SEMA5A: variants seen among roughly 807,000 people sequenced by gnomAD.
SEMA5A encodes semaphorin-5A.
SEMA5A carries 55 observed loss-of-function variants against 135.5 expected under a neutral mutation model. The ratio of observed to expected loss-of-function variants is 0.41; its 90% CI spans 0.33 to 0.51. SEMA5A has a LOEUF of 0.51. Among genes scored for constraint, SEMA5A ranks in the 20% least tolerant of loss-of-function variants. The pLI, the probability that SEMA5A is intolerant of heterozygous loss-of-function variation, is 0.37. For synonymous variants in SEMA5A, 580 were observed against 546.5 expected (o/e 1.06, Z -0.85); for missense variants, 1,290 against 1,419.9 (o/e 0.91, Z 1.47).
At chr5:9,075,787 A>AAATTTTATCATTTT (rs1240534163) in intron 16 of SEMA5A, among the ~76,000 whole-genome samples, 9 of 152,196 alleles carry the variant, frequency 5.9e-5, no homozygotes, top group African/African-American at 1.7e-4. Flanking sequence ...AAACTGACCA[A>AAATTTTATCATTTT]AATTTTATCA....
chr5:9,491,969 C>T (rs1177185513), intron 1 of SEMA5A, among the ~76,000 whole-genome samples: 1 of 152,300 alleles, frequency 6.6e-6, no homozygotes, highest in African/African-American at 2.4e-5. Context: ...AATCTATGAC[C>T]AATCTTCCTG....
intron 6 of SEMA5A, among the ~76,000 whole-genome samples, chr5:9,235,674 G>A (rs1162488783): frequency 6.7e-6 from 1 of 150,352 alleles, no homozygotes; most frequent in East Asian, 2.1e-4. Flanking sequence ...TGTGACAAGT[G>A]TGCATCAACA....
chr5:9,221,519 G>T (rs56190011), intron 8 of SEMA5A, among the ~76,000 whole-genome samples: 10 of 151,830 alleles, frequency 6.6e-5, no homozygotes, highest in African/African-American at 1.2e-4. Context: ...AGCCAGGATG[G>T]TCTCGATCTC....
At chr5:9,063,949 T>G (rs1221604025) in intron 17 of SEMA5A, among the ~76,000 whole-genome samples, 1 of 152,196 alleles carries the variant, frequency 6.6e-6, no homozygotes, top group Non-Finnish European at 1.5e-5. Flanking sequence ...CTAAAAAGTA[T>G]TCAATAATTT....
rs10074472 is a variant in SEMA5A at position 9,396,285 on chromosome 5, T to G, written c.-77-16262A>C. ...ACACACACACACACACACAAATACA[T>G]CCTAAGAGCTTAACATTATTTATCT... On this transcript the variant is annotated intron_variant, in intron 2 of 22. Coordinates refer to ENST00000382496, the MANE Select transcript of SEMA5A (RefSeq NM_003966.3). Among the ~76,000 whole-genome samples the G allele has an allele frequency of 3.5e-3, 427 of 122,694 alleles. 3 individuals are homozygous for G. The highest frequency in any genetic ancestry group is 0.013 in the African/African-American group (402 of 31,522). The allele number at this position is 122,694 out of a possible 152,430, so 80.5% of individuals were successfully genotyped here. A position where few individuals can be genotyped will look rare whatever the true frequency, so the allele number is the denominator to read the frequency against.
At chr5:9,210,345 C>T (rs115157427) in intron 8 of SEMA5A, among the ~76,000 whole-genome samples, 2,418 of 152,178 alleles carry the variant, frequency 0.016, 55 homozygotes, top group African/African-American at 0.052. Flanking sequence ...TTCAGAGCAC[C>T]GTAAGAACTG....
In SEMA5A at chr5:9,084,062, C is replaced by T. The variant is rs115815058; in HGVS notation, c.2074-17416G>A. Among the ~76,000 whole-genome samples, 1,327 of 152,138 alleles carry T rather than the reference C, an allele frequency of 8.7e-3. 22 individuals are homozygous for T. Among genetic ancestry groups the T allele is most frequent in the African/African-American group, 0.03 (1,260 of 41,500 alleles). ...AGGAAAACCTTAGAGAAATCTTAGC[C>T]CCTTTAATAAAAGTTGAAAATCTTG... On this transcript the variant is annotated intron_variant, in intron 16 of 22. Coordinates refer to ENST00000382496, the MANE Select transcript of SEMA5A (RefSeq NM_003966.3).
intron 13 of SEMA5A, among the ~76,000 whole-genome samples, chr5:9,131,500 C>T (rs1741414119): frequency 6.6e-6 from 1 of 151,116 alleles, no homozygotes; most frequent in Non-Finnish European, 1.5e-5. Flanking sequence ...CCCAGATACT[C>T]AGGAGGCTGA....
chr5:9,109,643 A>G (rs1323945362), intron 15 of SEMA5A, among the ~76,000 whole-genome samples: 1 of 152,172 alleles, frequency 6.6e-6, no homozygotes, highest in African/African-American at 2.4e-5. Flanking sequence ...CTGCTGGTGT[A>G]AGTCAGTCAC....
At chr5:9,508,945 A>G (rs1188728276) in intron 1 of SEMA5A, among the ~76,000 whole-genome samples, 3 of 152,198 alleles carry the variant, frequency 2.0e-5, no homozygotes, top group Non-Finnish European at 4.4e-5. Flanking sequence ...AGGCAACCCC[A>G]AGGATGCTTA....
Position 9,505,084 on chromosome 5 carries a change from T to A in SEMA5A, c.-175+40500A>T, listed in dbSNP as rs116346571. Among the ~76,000 whole-genome samples, 709 of 152,192 alleles carry A rather than the reference T, an allele frequency of 4.7e-3. 5 individuals carry two copies. The highest frequency in any genetic ancestry group is 0.016 in the African/African-American group (678 of 41,522). On this transcript the variant is annotated intron_variant, in intron 1 of 22. Transcript: ENST00000382496. ...GTTCAGAACACTGAAGAATTGAAAT[T>A]CTAATTTAGTTTTACTATTTATCCT...
At chr5:9,120,163 T>A (rs976744706) in intron 14 of SEMA5A, among the ~76,000 whole-genome samples, 33 of 152,176 alleles carry the variant, frequency 2.2e-4, no homozygotes, top group African/African-American at 7.7e-4. Context: ...CATGCAGAAT[T>A]TTTTTACTTC....
intron 16 of SEMA5A, among the ~76,000 whole-genome samples, chr5:9,073,061 G>A (rs1461031454): frequency 6.6e-6 from 1 of 152,104 alleles, no homozygotes; most frequent in Non-Finnish European, 1.5e-5. Flanking sequence ...GCAGATAATT[G>A]CAAACGAGAC....
chr5:9,209,221 T>C (rs1026327718), intron 8 of SEMA5A, among the ~76,000 whole-genome samples: 2 of 152,240 alleles, frequency 1.3e-5, no homozygotes, highest in African/African-American at 2.4e-5. Context: ...CTAAATGTTC[T>C]AGTTCAAAGT....
chr5:9,512,366 T>G (rs1035798983), intron 1 of SEMA5A, among the ~76,000 whole-genome samples: 3 of 152,230 alleles, frequency 2.0e-5, no homozygotes, highest in Non-Finnish European at 4.4e-5. Flanking sequence ...CTAAGCCCTC[T>G]GAATGGGAAG....
intron 1 of SEMA5A, among the ~76,000 whole-genome samples, chr5:9,540,971 A>AT (rs1738051275): frequency 6.6e-6 from 1 of 152,182 alleles, no homozygotes; most frequent in Admixed American, 6.5e-5. Flanking sequence ...CGGTTTTATG[A>AT]TTTTGCAGAC....
At chr5:9,279,520 A>C (rs1428017341) in intron 5 of SEMA5A, among the ~76,000 whole-genome samples, 1 of 152,086 alleles carries the variant, frequency 6.6e-6, no homozygotes, top group Non-Finnish European at 1.5e-5. Flanking sequence ...AAATGTGAAA[A>C]GGACATAAGA....
chr5:9,163,506 A>G (rs1243017886), intron 11 of SEMA5A, among the ~76,000 whole-genome samples: 1 of 152,208 alleles, frequency 6.6e-6, no homozygotes, highest in East Asian at 1.9e-4. Flanking sequence ...TCCGTTTTGC[A>G]TCTTCAGAGT....
chr5:9,502,295 GA>G (rs1159483499), intron 1 of SEMA5A, among the ~76,000 whole-genome samples: 1 of 152,160 alleles, frequency 6.6e-6, no homozygotes, highest in Non-Finnish European at 1.5e-5. Flanking sequence ...AATAAAAGCA[GA>G]AGCAGCCAAC....
Sources: allele counts gnomAD v4.1 joint callset (sites outside exome capture counted in the v4.1 genomes callset), GRCh38; gene constraint gnomAD v4.1.1; transcripts MANE v1.5; gene names NCBI Gene and HGNC (gene_info 2026-07-23, HGNC 2026-07-21).